The following MED12L variants were observed in gnomAD, a reference collection of about 807,000 sequenced individuals.
MED12L encodes mediator complex subunit 12L.
MED12L carries 60 observed loss-of-function variants against 281.3 expected under a neutral mutation model. The ratio of observed to expected loss-of-function variants is 0.21; its 90% CI spans 0.17 to 0.26. MED12L has a LOEUF of 0.26. Among genes scored for constraint, MED12L ranks in the 10% least tolerant of loss-of-function variants. The probability of loss-of-function intolerance (pLI) is 1.00; values close to 1 mark genes in which losing one functional copy is unlikely to be tolerated. For synonymous variants in MED12L, 974 were observed against 987.2 expected (o/e 0.99, Z 0.25); for missense variants, 2,146 against 2,680.9 (o/e 0.80, Z 4.41).
At chr3:151,319,506 TC>T (rs1433827243) in intron 16 of MED12L, among the ~76,000 whole-genome samples, 6 of 142,902 alleles carry the variant, frequency 4.2e-5, no homozygotes, top group African/African-American at 1.6e-4. Context: ...TGTGTGTGTG[TC>T]GGCCACCAGA....
chr3:151,240,384 A>G (rs73021193), intron 16 of MED12L, among the ~76,000 whole-genome samples: 4,030 of 152,292 alleles, frequency 0.026, 162 homozygotes, highest in African/African-American at 0.093. Context: ...TTTTATCCTA[A>G]TAAGTTATTA....
At chr3:151,364,339 A>G (rs900752363) in intron 21 of MED12L, among the ~76,000 whole-genome samples, 5 of 152,166 alleles carry the variant, frequency 3.3e-5, no homozygotes, top group Admixed American at 2.0e-4. Context: ...CTCTTTAAAA[A>G]TCTCTTAATG....
intron 40 of MED12L, among the ~76,000 whole-genome samples, chr3:151,410,314 G>A (rs1204020664): frequency 1.3e-5 from 2 of 152,180 alleles, no homozygotes; most frequent in Non-Finnish European, 2.9e-5. Context: ...AGGGGTGTTG[G>A]CAAGATTGCT....
At chr3:151,308,215 CAGTA>C (rs1746980338) in intron 16 of MED12L, among the ~76,000 whole-genome samples, 1 of 151,952 alleles carries the variant, frequency 6.6e-6, no homozygotes, top group African/African-American at 2.4e-5. Context: ...CTTTTTAACT[CAGTA>C]AGTTGTAAAA....
chr3:151,399,960 G>A (rs1203615166), intron 39 of MED12L, among the ~76,000 whole-genome samples: 1 of 152,108 alleles, frequency 6.6e-6, no homozygotes, highest in Non-Finnish European at 1.5e-5. Flanking sequence ...CCGAGTAGCT[G>A]GGACTACAGG....
intron 5 of MED12L, among the ~76,000 whole-genome samples, chr3:151,139,890 A>G (rs886286282): frequency 2.6e-5 from 4 of 152,244 alleles, no homozygotes; most frequent in African/African-American, 4.8e-5. Context: ...TAAGACATGC[A>G]CAAGAGGAGC....
chr3:151,166,036 C>A, intron 11 of MED12L, 54 bp downstream of exon 11: 1 of 1,498,440 alleles, frequency 6.7e-7, no homozygotes, highest in Non-Finnish European at 9.1e-7. Context: ...GTGTTTTTTT[C>A]TTCTTTCTCA....
intron 5 of MED12L, among the ~76,000 whole-genome samples, chr3:151,144,463 T>A (rs1475088030): frequency 6.6e-6 from 1 of 152,142 alleles, no homozygotes. Context: ...AGTACAAGAC[T>A]TTTGTGCTCT....
At chr3:151,149,161 T>C (rs561411890) in intron 5 of MED12L, among the ~76,000 whole-genome samples, 1 of 152,118 alleles carries the variant, frequency 6.6e-6, no homozygotes, top group Non-Finnish European at 1.5e-5. Flanking sequence ...AGGTGTAGTT[T>C]TACGGGGATG....
chr3:151,408,800 G>T (rs1716630177), intron 39 of MED12L, among the ~76,000 whole-genome samples: 1 of 152,178 alleles, frequency 6.6e-6, no homozygotes, highest in African/African-American at 2.4e-5. Flanking sequence ...CAATTAGTAG[G>T]TCACTGTGAA....
chr3:151,094,375 G>C (rs1418662083), intron 2 of MED12L, among the ~76,000 whole-genome samples: 1 of 152,200 alleles, frequency 6.6e-6, no homozygotes, highest in Non-Finnish European at 1.5e-5. Flanking sequence ...CTTGAGCAGT[G>C]AAGGAAGGGG....
At chr3:151,300,269 T>G in intron 16 of MED12L, 1 of 654,054 alleles carries the variant, frequency 1.5e-6, no homozygotes, top group Non-Finnish European at 2.8e-6. Context: ...TTTTGGTCTT[T>G]TCAGTTAAAG....
chr3:151,313,042 CAT>C (rs1180639823), intron 16 of MED12L, among the ~76,000 whole-genome samples: 1 of 152,280 alleles, frequency 6.6e-6, no homozygotes, highest in East Asian at 1.9e-4. Flanking sequence ...GCTATTTGCA[CAT>C]GTTATTTGTT....
chr3:151,354,089 C>T (rs111980804), intron 17 of MED12L, among the ~76,000 whole-genome samples: 10,215 of 135,098 alleles, frequency 0.076, 1,312 homozygotes, highest in African/African-American at 0.26. Context: ...TGCAGTGAGC[C>T]GAGATCCCGC....
At chr3:151,291,221 T>C (rs1232823503) in intron 16 of MED12L, among the ~76,000 whole-genome samples, 1 of 151,990 alleles carries the variant, frequency 6.6e-6, no homozygotes, top group African/African-American at 2.4e-5. Flanking sequence ...TCATTACATG[T>C]TTTTATGTTT....
Position 151,247,642 on chromosome 3 carries a change from G to A in MED12L, c.2250+53976G>A, listed in dbSNP as rs1735900639. On this transcript the variant is annotated intron_variant, in intron 16 of 44. Coordinates refer to ENST00000687756, the MANE Select transcript of MED12L (RefSeq NM_001393769.1). ...TCGGGGAGGGGGGAGGGATAGCATT[G>A]GGAGATGTACCTAATGCTAGATGAC... Among the ~76,000 whole-genome samples the A allele has an allele frequency of 2.8e-5, 4 of 142,832 alleles. No individual in the cohort carries two copies. The South Asian group carries it at 9.8e-4, about 35-fold the overall frequency. 93.7% of individuals were successfully genotyped at this position (142,832 alleles called of 152,430 possible).
At chr3:151,334,192 CTTTCTTTT>C (rs1418183037) in intron 16 of MED12L, among the ~76,000 whole-genome samples, 2 of 99,450 alleles carry the variant, frequency 2.0e-5, no homozygotes, top group Admixed American at 2.4e-4. Context: ...TTCTTTCTTT[CTTTCTTTT>C]TTTTTTTGCC....
intron 39 of MED12L, among the ~76,000 whole-genome samples, chr3:151,407,157 G>T (rs1350896386): frequency 6.6e-6 from 1 of 152,068 alleles, no homozygotes; most frequent in Non-Finnish European, 1.5e-5. Context: ...TAAGAATATT[G>T]CCCAATAGCT....
intron 16 of MED12L, among the ~76,000 whole-genome samples, chr3:151,344,518 T>G (rs914510391): frequency 2.6e-5 from 4 of 152,166 alleles, no homozygotes; most frequent in Non-Finnish European, 4.4e-5. Flanking sequence ...AGCTAAAAAT[T>G]TTAACTAAAT....
Sources: gnomAD v4.1 joint callset for allele counts (sites outside exome capture counted in the v4.1 genomes callset) on GRCh38, gnomAD v4.1.1 for gene constraint, MANE v1.5 for transcripts, NCBI Gene and HGNC (gene_info 2026-07-23, HGNC 2026-07-21) for gene names.